DHX57: variants seen among roughly 807,000 people sequenced by gnomAD.
The protein encoded by DHX57 is DExH-box helicase 57.
A neutral mutation model predicts 156.2 loss-of-function variants in DHX57; 105 were observed. The observed-to-expected ratio is 0.67, with a 90% CI of 0.57 to 0.79. The LOEUF (loss-of-function observed/expected upper bound fraction) is 0.79, where lower values mean the gene tolerates loss of function less well. Among genes scored for constraint, DHX57 ranks in the 30% least tolerant of loss-of-function variants. The pLI is 0.00. For synonymous variants in DHX57, 704 were observed against 595.6 expected, an observed-to-expected ratio of 1.18 and a Z score of -2.65; for missense variants, 1,847 against 1,661.9, an observed-to-expected ratio of 1.11 and a Z score of -1.94.
intron 17 of DHX57, among the ~76,000 whole-genome samples, chr2:38,819,851 T>G (rs942534127): frequency 2.0e-5 from 3 of 151,678 alleles, no homozygotes; most frequent in African/African-American, 4.9e-5. Flanking sequence ...TTGTTTTACT[T>G]GAAAATCTAC....
chr2:38,865,576 G>T (rs1665027899), intron 2 of DHX57, among the ~76,000 whole-genome samples: 1 of 152,152 alleles, frequency 6.6e-6, no homozygotes, highest in African/African-American at 2.4e-5. Flanking sequence ...GTGCTATTTT[G>T]ATACATGCAT....
chr2:38,820,452 C>T (rs1012704522), intron 17 of DHX57, among the ~76,000 whole-genome samples: 1 of 151,914 alleles, frequency 6.6e-6, no homozygotes. Flanking sequence ...ATGAGTCTTT[C>T]TTTATTCCAA....
chr2:38,823,259 A>C lies in DHX57; in HGVS notation c.3025T>G (p.Leu1009Val). The C allele has an allele frequency of 6.2e-7, 1 of 1,611,084 alleles. No individual in the cohort carries two copies. The highest frequency in any genetic ancestry group is 8.5e-7 in the Non-Finnish European group (1 of 1,177,594). The change falls in exon 17 of 24, where the codon TTA (leucine) becomes GTA (valine). Residue 1009 changes from leucine to valine, a missense_variant. Transcript: ENST00000457308. ...AGATTATGAGCACTAAACATCTCTA[A>C]AATTTTAATTCTGAAAAGGAAACAA... is the stretch of plus-strand genomic sequence containing the variant. ...LEQLCLRIKILEMFSAHNLQS... is the reference protein window; with the variant it reads ...LEQLCLRIKIVEMFSAHNLQS...
chr2:38,863,591 C>G, intron 2 of DHX57, 72 bp from the exon 3 acceptor site: 2 of 1,415,790 alleles, frequency 1.4e-6, no homozygotes, highest in Non-Finnish European at 1.9e-6. Flanking sequence ...TCAGGGGTCC[C>G]CAGATATACA....
At chr2:38,810,618 G>A (rs1049194964) in intron 21 of DHX57, 9 of 635,690 alleles carry the variant, frequency 1.4e-5, no homozygotes, top group Middle Eastern at 9.1e-4. Context: ...GGCCCTTGAA[G>A]ATGGATACCT....
intron 23 of DHX57, among the ~76,000 whole-genome samples, chr2:38,802,504 T>G (rs893166859): frequency 6.6e-6 from 1 of 152,100 alleles, no homozygotes; most frequent in Non-Finnish European, 1.5e-5. Flanking sequence ...GCCAGGCTGG[T>G]CTCGAACTCC....
intron 22 of DHX57, among the ~76,000 whole-genome samples, chr2:38,804,033 C>T (rs548189275): frequency 8.5e-5 from 13 of 152,276 alleles, no homozygotes; most frequent in African/African-American, 2.2e-4. Flanking sequence ...CCGCCCGCCT[C>T]GGCCTTTCAA....
At chr2:38,829,285 T>G (rs1462326306) in intron 13 of DHX57, among the ~76,000 whole-genome samples, 3 of 112,912 alleles carry the variant, frequency 2.7e-5, no homozygotes, top group African/African-American at 1.1e-4. Flanking sequence ...CACTGGCTAT[T>G]TTTTTTTTTT....
chr2:38,833,957 C>A (rs909448300), intron 13 of DHX57, among the ~76,000 whole-genome samples: 2 of 152,054 alleles, frequency 1.3e-5, no homozygotes, highest in African/African-American at 4.8e-5. Flanking sequence ...TTAAAATAAT[C>A]AAAACTCACA....
intron 7 of DHX57, among the ~76,000 whole-genome samples, chr2:38,855,796 T>C (rs1156651784): frequency 6.6e-6 from 1 of 152,154 alleles, no homozygotes; most frequent in Non-Finnish European, 1.5e-5. Context: ...AATTAAGTTG[T>C]TTTTAAAAGA....
At chr2:38,826,172 G>C in intron 15 of DHX57, 125 bp from the exon 16 acceptor site, 1 of 1,025,378 alleles carries the variant, frequency 9.8e-7, no homozygotes, top group Non-Finnish European at 1.4e-6. Flanking sequence ...GTATATTCTG[G>C]GATAGTTGAG....
chr2:38,828,545 A>G (rs749698827), intron 13 of DHX57, 109 bp from the exon 14 acceptor site: 30 of 714,846 alleles, frequency 4.2e-5, no homozygotes, highest in Non-Finnish European at 6.5e-5. Flanking sequence ...AAAAACTAAT[A>G]TAGATTATAA....
At chr2:38,873,380 T>G (rs1320201401) in intron 1 of DHX57, among the ~76,000 whole-genome samples, 3 of 152,172 alleles carry the variant, frequency 2.0e-5, no homozygotes, top group Non-Finnish European at 2.9e-5. Context: ...TAGAAAAAAT[T>G]TGGGAAACTC....
chr2:38,818,977 A>G lies in DHX57; in HGVS notation c.3388-17T>C, dbSNP rs748154903. 48 of 1,614,030 alleles carry G rather than the reference A, an allele frequency of 3.0e-5. No homozygotes were observed. The East Asian group carries it at 1.0e-3, about 34-fold the overall frequency. Reference sequence around the variant, plus strand: ...CTGCCATCCCTAAATTTTGGAGAAAATCAAACTGAACTTACTCAGTCTTCA... The same window carrying G: ...CTGCCATCCCTAAATTTTGGAGAAAGTCAAACTGAACTTACTCAGTCTTCA... On this transcript the variant is annotated splice_polypyrimidine_tract_variant and intron_variant, in intron 18 of 23. Transcript: ENST00000457308.
intron 21 of DHX57, chr2:38,810,409 C>A: frequency 2.0e-6 from 1 of 511,010 alleles, no homozygotes; most frequent in South Asian, 1.4e-5. Context: ...AGTGAGGTGG[C>A]CCTAGCTCCC....
intron 21 of DHX57, among the ~76,000 whole-genome samples, chr2:38,813,111 G>A (rs147125088): frequency 1.3e-5 from 2 of 152,218 alleles, no homozygotes; most frequent in South Asian, 2.1e-4. Flanking sequence ...TTCCCAAAGT[G>A]TTGGGATTAC....
chr2:38,871,874 G>T (rs994412068), intron 1 of DHX57, among the ~76,000 whole-genome samples: 3 of 151,856 alleles, frequency 2.0e-5, no homozygotes, highest in Non-Finnish European at 4.4e-5. Flanking sequence ...CTAAGTTTTT[G>T]TTTTTTTGTA....
intron 23 of DHX57, among the ~76,000 whole-genome samples, chr2:38,800,035 A>G (rs1669598597): frequency 1.3e-5 from 2 of 151,776 alleles, no homozygotes; most frequent in African/African-American, 4.8e-5. Context: ...TAAAAATACA[A>G]AATTAGCCGG....
chr2:38,863,794 C>T (rs539897994), intron 2 of DHX57, among the ~76,000 whole-genome samples: 6 of 152,236 alleles, frequency 3.9e-5, no homozygotes, highest in Admixed American at 2.6e-4. Context: ...TGGCGGATCA[C>T]CTGAGGTCAG....
Sources: allele counts gnomAD v4.1 joint callset (sites outside exome capture counted in the v4.1 genomes callset), GRCh38; gene constraint gnomAD v4.1.1; transcripts MANE v1.5; gene names NCBI Gene and HGNC (gene_info 2026-07-23, HGNC 2026-07-21).